The following SYCP2 variants were observed in gnomAD, a reference collection of about 807,000 sequenced individuals.
SYCP2 encodes synaptonemal complex lateral element protein.
A neutral mutation model predicts 211.3 loss-of-function variants in SYCP2; 55 were observed. That is an observed-to-expected ratio of 0.26 (90% confidence interval 0.21 to 0.33). The LOEUF (loss-of-function observed/expected upper bound fraction) is 0.33. SYCP2 is among the 10% of genes least tolerant of loss of function. The pLI is 1.00. For missense variants in SYCP2, 1,731 were observed against 1,752.0 expected (o/e 0.99, Z 0.21); for synonymous variants, 570 against 555.2 (o/e 1.03, Z -0.37).
At chr20:59,901,099 A>G (rs896636902) in intron 16 of SYCP2, among the ~76,000 whole-genome samples, 1 of 152,052 alleles carries the variant, frequency 6.6e-6, no homozygotes, top group African/African-American at 2.4e-5. Flanking sequence ...AAATTTGTCA[A>G]TTGAATATCT....
At chr20:59,899,782 AT>A (rs141887388) in intron 18 of SYCP2, among the ~76,000 whole-genome samples, 3,781 of 152,184 alleles carry the variant, frequency 0.025, 178 homozygotes, top group African/African-American at 0.083. Context: ...AAAGAACCTC[AT>A]ACTTTTTTTT....
rs369846151 is a variant in SYCP2, at chr20:59,921,267, A to G, written c.168+43T>C. The G allele has an allele frequency of 3.5e-5, 54 of 1,541,388 alleles. No individual in the cohort carries two copies. In the African/African-American group the frequency reaches 3.9e-4, roughly 11 times the overall value. ...TACTTCCTTCTAAAACTAGAGTTCT[A>G]TCTAATAATTGTAACAATCATTCAG... On this transcript the variant is annotated intron_variant, in intron 4 of 44. Coordinates refer to ENST00000357552, the MANE Select transcript of SYCP2 (RefSeq NM_014258.4).
intron 32 of SYCP2, 126 bp from the exon 33 acceptor site, chr20:59,877,681 A>C (rs2059587918): frequency 1.3e-6 from 1 of 782,910 alleles, no homozygotes; most frequent in East Asian, 2.7e-5. Context: ...TTCTTGATTA[A>C]CATACTTTAA....
chr20:59,871,337 CTG>C (rs2059447205), intron 35 of SYCP2, among the ~76,000 whole-genome samples: 1 of 151,704 alleles, frequency 6.6e-6, no homozygotes. Context: ...TTAGTTAAAA[CTG>C]TAGAGAAATG....
chr20:59,925,303 T>C (rs1183228476), intron 2 of SYCP2, among the ~76,000 whole-genome samples: 1 of 152,016 alleles, frequency 6.6e-6, no homozygotes, highest in Non-Finnish European at 1.5e-5. Flanking sequence ...CAAACCACCA[T>C]GACACACATT....
chr20:59,865,467 C>T (rs778882020), intron 43 of SYCP2, 23 bp from the exon 44 acceptor site: 2 of 1,600,034 alleles, frequency 1.2e-6, no homozygotes, highest in African/African-American at 2.7e-5. Flanking sequence ...AAATATATTT[C>T]ACCCATGAAA....
chr20:59,924,803 T>C (rs972620575), intron 2 of SYCP2, among the ~76,000 whole-genome samples: 22 of 151,920 alleles, frequency 1.4e-4, no homozygotes, highest in African/African-American at 5.3e-4. Flanking sequence ...ACCATAAAAG[T>C]CCAACACAGA....
At position 59,885,631 on chromosome 20, in the gene SYCP2, TA is replaced by T. The variant is rs948226629; in HGVS notation, c.2529+296del. Reference sequence around the variant, plus strand: ...TGTTAGGAGAAATGGGATTGGCTATTAAAAAAATACACACACACACACACGC... The same window carrying T: ...TGTTAGGAGAAATGGGATTGGCTATTAAAAAATACACACACACACACACGC... On this transcript the variant is annotated intron_variant, in intron 26 of 44. Coordinates refer to ENST00000357552, the MANE Select transcript of SYCP2 (RefSeq NM_014258.4). Among the ~76,000 whole-genome samples the T allele has an allele frequency of 3.3e-5, 5 of 151,546 alleles. No individual in the cohort carries two copies. In the South Asian group the frequency reaches 6.2e-4, roughly 19 times the overall value.
chr20:59,933,074 C>T (rs896298376), intron 1 of SYCP2, among the ~76,000 whole-genome samples: 16 of 152,142 alleles, frequency 1.1e-4, no homozygotes, highest in African/African-American at 3.4e-4. Context: ...GCAGCGCCAA[C>T]CCCCCTTCAG....
chr20:59,888,079 A>G (rs1180334716), intron 24 of SYCP2, among the ~76,000 whole-genome samples: 1 of 152,174 alleles, frequency 6.6e-6, no homozygotes, highest in Non-Finnish European at 1.5e-5. Flanking sequence ...TCTATCAAAC[A>G]TTTAAGGAAG....
chr20:59,901,287 T>A (rs1568953886), intron 16 of SYCP2, among the ~76,000 whole-genome samples: 1 of 152,076 alleles, frequency 6.6e-6, no homozygotes, highest in Non-Finnish European at 1.5e-5. Flanking sequence ...TTTATGAGCA[T>A]TCTCTTTCTT....
At chr20:59,899,013 A>G (rs1418768538) in intron 18 of SYCP2, among the ~76,000 whole-genome samples, 1 of 152,190 alleles carries the variant, frequency 6.6e-6, no homozygotes, top group Non-Finnish European at 1.5e-5. Flanking sequence ...CACAGAAATC[A>G]CAAAACTTTT....
At position 59,864,260 on chromosome 20, in the gene SYCP2, T is replaced by A; in HGVS notation, c.*51A>T. 1 of 1,280,434 alleles carries A rather than the reference T, an allele frequency of 7.8e-7. No homozygotes were observed. Among genetic ancestry groups the A allele is most frequent in the East Asian group, 2.5e-5 (1 of 40,552 alleles). 79.3% of individuals were successfully genotyped at this position (1,280,434 alleles called of 1,614,324 possible). ...TGTAGGACTATTCTTATTTCCTCAGTTATATACAGAGAATAATAATTAGAT... is the reference window on the plus strand; with the variant it reads ...TGTAGGACTATTCTTATTTCCTCAGATATATACAGAGAATAATAATTAGAT... On this transcript the variant is annotated 3_prime_UTR_variant, in exon 45 of 45. Transcript: ENST00000357552.
rs748292113 is a variant in SYCP2 at position 59,867,844 on chromosome 20, G to A, written c.3992C>T (p.Ser1331Phe). ...TGTTGATAATGAAGATACACTTTCA[G>A]ACACTAAAAAATGAAAACAATCTGC... Reference protein sequence around the residue: ...EDADHHIHKMSESVSSLSTND... With the variant: ...EDADHHIHKMFESVSSLSTND... Residue 1331 changes from serine (S) to phenylalanine (F), a missense_variant, in exon 39 of 45, where the codon TCT becomes TTT. Physicochemically the swap from Ser to Phe is radical, Grantham distance 155 (BLOSUM62 -2). Transcript: ENST00000357552. 2 of 1,598,748 alleles carry A rather than the reference G, an allele frequency of 1.3e-6. No individual in the cohort carries two copies. The highest frequency in any genetic ancestry group is 1.7e-6 in the Non-Finnish European group (2 of 1,172,494).
At chr20:59,926,556 A>G (rs1453143184) in intron 2 of SYCP2, among the ~76,000 whole-genome samples, 1 of 152,108 alleles carries the variant, frequency 6.6e-6, no homozygotes, top group Non-Finnish European at 1.5e-5. Context: ...AACTTAAATA[A>G]TAAGTTAATA....
At chr20:59,874,109 T>C (rs1369162678) in intron 34 of SYCP2, 48 bp from the exon 35 acceptor site, 4 of 1,003,228 alleles carry the variant, frequency 4.0e-6, no homozygotes, top group Non-Finnish European at 5.7e-6. Context: ...AGCGTTATCA[T>C]TGATGTCTGC....
intron 33 of SYCP2, 51 bp downstream of exon 33, chr20:59,877,334 T>C: frequency 8.1e-7 from 1 of 1,230,794 alleles, no homozygotes; most frequent in Non-Finnish European, 1.1e-6. Context: ...AAAATATATA[T>C]TTAGTATTTT....
At chr20:59,928,830 T>C (rs1004993469) in intron 2 of SYCP2, among the ~76,000 whole-genome samples, 1 of 152,086 alleles carries the variant, frequency 6.6e-6, no homozygotes, top group African/African-American at 2.4e-5. Context: ...ACTACATGAA[T>C]GTAAAAAGTA....
chr20:59,898,107 G>A (rs1316794738), intron 18 of SYCP2, among the ~76,000 whole-genome samples: 1 of 152,046 alleles, frequency 6.6e-6, no homozygotes, highest in African/African-American at 2.4e-5. Flanking sequence ...GTGACAGAAC[G>A]AGACTCCATC....
Sources: gnomAD v4.1 joint callset for allele counts (sites outside exome capture counted in the v4.1 genomes callset) on GRCh38, gnomAD v4.1.1 for gene constraint, MANE v1.5 for transcripts, NCBI Gene and HGNC (gene_info 2026-07-23, HGNC 2026-07-21) for gene names.